Variants in UBE2L5 observed in about 807,000 individuals in gnomAD.
UBE2L5 encodes the protein ubiquitin-conjugating enzyme E2 L5.
A neutral mutation model predicts 10.0 loss-of-function variants in UBE2L5; 3 were observed. The observed-to-expected ratio is 0.30, with a 90% confidence interval of 0.14 to 0.78. The LOEUF (loss-of-function observed/expected upper bound fraction) is 0.78, where lower values mean the gene tolerates loss of function less well. UBE2L5 is among the 30% of genes least tolerant of loss of function. The pLI is 0.65. For missense variants in UBE2L5, 131 were observed against 193.3 expected (o/e 0.68, Z 1.91); for synonymous variants, 60 against 71.9 (o/e 0.83, Z 0.83).
In UBE2L5 at chr13:30,427,378, T is replaced by C. The variant is rs1480550805; in HGVS notation, c.-613T>C. Reference sequence around the variant, plus strand: ...CTGTTAAGAACATGAACTGGATTAATAGAAATTTCTCAGAAAAAAATATTC... The same window carrying C: ...CTGTTAAGAACATGAACTGGATTAACAGAAATTTCTCAGAAAAAAATATTC... On this transcript the variant is annotated 5_prime_UTR_variant, in exon 4 of 4. Transcript: ENST00000635918. The C allele has an allele frequency of 5.3e-5, 8 of 152,254 alleles. No individual in the cohort carries two copies. The highest frequency in any genetic ancestry group is 4.6e-4 in the Admixed American group (7 of 15,284). 9.4% of individuals were successfully genotyped at this position (152,254 alleles called of 1,614,324 possible).
chr13:30,423,766 C>T (rs1885500492), intron 1 of UBE2L5, among the ~76,000 whole-genome samples: 1 of 152,230 alleles, frequency 6.6e-6, no homozygotes, highest in Non-Finnish European at 1.5e-5. Flanking sequence ...ACATCTGATA[C>T]ACTTGCATAA....
chr13:30,423,901 C>T (rs1034424796), intron 1 of UBE2L5, among the ~76,000 whole-genome samples: 2 of 152,232 alleles, frequency 1.3e-5, no homozygotes, highest in African/African-American at 4.8e-5. Flanking sequence ...AACCATGTCC[C>T]AGTTACTTTA....
chr13:30,425,482 T>A (rs1162641395), intron 2 of UBE2L5, among the ~76,000 whole-genome samples: 2 of 152,186 alleles, frequency 1.3e-5, no homozygotes, highest in Non-Finnish European at 2.9e-5. Context: ...GGGCTCCAGT[T>A]CCTGCCTTTC....
In UBE2L5 at chr13:30,427,708, G is replaced by A. The variant is rs1345840456; in HGVS notation, c.-283G>A. The stretch of plus-strand genomic sequence containing the variant: ...AATCACAGCCACTTGGGAGGCCGAG[G>A]CGAGAGGATGGCTTGAACCCGGGAG... On this transcript the variant is annotated 5_prime_UTR_variant, in exon 4 of 4. Coordinates refer to ENST00000635918, the MANE Select transcript of UBE2L5 (RefSeq NM_001355247.2). 9.5e-6 allele frequency: 4 copies of A among 421,242 alleles called. No homozygotes were observed. Among genetic ancestry groups the A allele is most frequent in the Admixed American group, 8.2e-5 (2 of 24,432 alleles). 26.1% of individuals were successfully genotyped at this position (421,242 alleles called of 1,614,324 possible).
Position 30,427,677 on chromosome 13 carries a change from G to A in UBE2L5, c.-314G>A. ...AAGTTAGCTGTGCATGGTGGCACGTGCCTGTAATCACAGCCACTTGGGAGG... is the reference window on the plus strand; with the variant it reads ...AAGTTAGCTGTGCATGGTGGCACGTACCTGTAATCACAGCCACTTGGGAGG... On this transcript the variant is annotated 5_prime_UTR_variant, in exon 4 of 4. Coordinates refer to ENST00000635918, the MANE Select transcript of UBE2L5 (RefSeq NM_001355247.2). 1 of 368,224 alleles carries A rather than the reference G, an allele frequency of 2.7e-6. No homozygotes were observed. The highest frequency in any genetic ancestry group is 4.9e-6 in the Non-Finnish European group (1 of 206,122). 22.8% of individuals were successfully genotyped at this position (368,224 alleles called of 1,614,324 possible).
Position 30,427,701 on chromosome 13 carries a change from G to A in UBE2L5, c.-290G>A, listed in dbSNP as rs1223823948. ...TGCCTGTAATCACAGCCACTTGGGA[G>A]GCCGAGGCGAGAGGATGGCTTGAAC... On this transcript the variant is annotated 5_prime_UTR_variant, in exon 4 of 4. Transcript: ENST00000635918. 1 of 406,226 alleles carries A rather than the reference G, an allele frequency of 2.5e-6. No homozygotes were observed. Among genetic ancestry groups the A allele is most frequent in the Non-Finnish European group, 4.3e-6 (1 of 230,018 alleles). 25.2% of individuals were successfully genotyped at this position (406,226 alleles called of 1,614,324 possible). A position where few individuals can be genotyped will look rare whatever the true frequency, so the allele number is the denominator to read the frequency against.
At position 30,424,915 on chromosome 13, in the gene UBE2L5, T is replaced by G. The variant is rs1459036625; in HGVS notation, c.-685+14T>G. 1 of 152,266 alleles carries G rather than the reference T, an allele frequency of 6.6e-6. No individual in the cohort carries two copies. Among genetic ancestry groups the G allele is most frequent in the African/African-American group, 2.4e-5 (1 of 41,436 alleles). The allele number at this position is 152,266 out of a possible 1,614,324, so 9.4% of individuals were successfully genotyped here. A position where few individuals can be genotyped will look rare whatever the true frequency, so the allele number is the denominator to read the frequency against. On this transcript the variant is annotated intron_variant, in intron 2 of 3. Coordinates refer to ENST00000635918, the MANE Select transcript of UBE2L5 (RefSeq NM_001355247.2). ...CTAGGATTACAGGTGTGTACTACCA[T>G]GCCCACCTAATTTTTAATGTTTTAT...
intron 1 of UBE2L5, 31 bp downstream of exon 1, chr13:30,422,708 T>G (rs1885481564): frequency 6.6e-6 from 1 of 152,226 alleles, no homozygotes; most frequent in South Asian, 2.1e-4. Context: ...TTCACAAGGA[T>G]GCTTGTGAGT....
intron 1 of UBE2L5, among the ~76,000 whole-genome samples, 179 bp from the exon 2 acceptor site, chr13:30,424,628 TA>T (rs1457421419): frequency 1.3e-5 from 2 of 152,198 alleles, no homozygotes; most frequent in Non-Finnish European, 1.5e-5. Flanking sequence ...CACAGATAGT[TA>T]TAACCAAACT....
Position 30,422,659 on chromosome 13 carries a change from A to G in UBE2L5, c.-797A>G, listed in dbSNP as rs1028901251. ...CTTTTTGTTGTGTCTTGAAACTAGGATCTTTGCGGGTCATCCCTGTAAGTG... is the reference window on the plus strand; with the variant it reads ...CTTTTTGTTGTGTCTTGAAACTAGGGTCTTTGCGGGTCATCCCTGTAAGTG... On this transcript the variant is annotated 5_prime_UTR_variant, in exon 1 of 4. Coordinates refer to ENST00000635918, the MANE Select transcript of UBE2L5 (RefSeq NM_001355247.2). The G allele has an allele frequency of 6.6e-6, 1 of 152,148 alleles. No individual in the cohort carries two copies. Among genetic ancestry groups the G allele is most frequent in the Non-Finnish European group, 1.5e-5 (1 of 68,030 alleles). 9.4% of individuals were successfully genotyped at this position (152,148 alleles called of 1,614,324 possible). A position where few individuals can be genotyped will look rare whatever the true frequency, so the allele number is the denominator to read the frequency against.
At position 30,427,687 on chromosome 13, in the gene UBE2L5, A is replaced by G. The variant is rs1593239400; in HGVS notation, c.-304A>G. 2.6e-6 allele frequency: 1 copy of G among 387,588 alleles called. No homozygotes were observed. Among genetic ancestry groups the G allele is most frequent in the South Asian group, 4.1e-5 (1 of 24,286 alleles). 24.0% of individuals were successfully genotyped at this position (387,588 alleles called of 1,614,324 possible). On this transcript the variant is annotated 5_prime_UTR_variant, in exon 4 of 4. Transcript: ENST00000635918. ...TGCATGGTGGCACGTGCCTGTAATCACAGCCACTTGGGAGGCCGAGGCGAG... is the reference window on the plus strand; with the variant it reads ...TGCATGGTGGCACGTGCCTGTAATCGCAGCCACTTGGGAGGCCGAGGCGAG...
chr13:30,423,018 A>G (rs1294210085), intron 1 of UBE2L5, among the ~76,000 whole-genome samples: 1 of 152,260 alleles, frequency 6.6e-6, no homozygotes, highest in Non-Finnish European at 1.5e-5. Context: ...ATAAAGTAAC[A>G]TGATAAAATC....
intron 2 of UBE2L5, among the ~76,000 whole-genome samples, chr13:30,425,340 T>C (rs185233215): frequency 6.6e-5 from 10 of 152,332 alleles, no homozygotes; most frequent in African/African-American, 2.2e-4. Flanking sequence ...TGTCTACTTA[T>C]CACTTCATGG....
In UBE2L5 at chr13:30,427,592, G is replaced by A. The variant is rs1885555204; in HGVS notation, c.-399G>A. On this transcript the variant is annotated 5_prime_UTR_variant, in exon 4 of 4. Transcript: ENST00000635918. ...ACGCGGGCGGATCACTTGAGGTCAGGAGTTCGAGACTAGCCAGGCCAACAT... is the reference window on the plus strand; with the variant it reads ...ACGCGGGCGGATCACTTGAGGTCAGAAGTTCGAGACTAGCCAGGCCAACAT... 5 of 193,974 alleles carry A rather than the reference G, an allele frequency of 2.6e-5. No homozygotes were observed. In the South Asian group the frequency reaches 5.0e-4, roughly 20 times the overall value. 12.0% of individuals were successfully genotyped at this position (193,974 alleles called of 1,614,324 possible). A position where few individuals can be genotyped will look rare whatever the true frequency, so the allele number is the denominator to read the frequency against.
At chr13:30,423,310 T>C (rs1885492053) in intron 1 of UBE2L5, among the ~76,000 whole-genome samples, 1 of 152,212 alleles carries the variant, frequency 6.6e-6, no homozygotes, top group Admixed American at 6.5e-5. Flanking sequence ...TTACTCTATT[T>C]TCCTTTAAAA....
intron 1 of UBE2L5, among the ~76,000 whole-genome samples, chr13:30,424,336 G>A (rs1415786045): frequency 6.6e-6 from 1 of 152,200 alleles, no homozygotes; most frequent in East Asian, 1.9e-4. Context: ...AGATGACTTT[G>A]ACACTCTAGG....
intron 3 of UBE2L5, chr13:30,427,104 C>A (rs1161225528): frequency 1.3e-5 from 2 of 152,048 alleles, no homozygotes; most frequent in Non-Finnish European, 2.9e-5. Context: ...AAATTCAAGT[C>A]CAATTATATA....
intron 1 of UBE2L5, among the ~76,000 whole-genome samples, chr13:30,423,094 A>T (rs889004096): frequency 1.3e-5 from 2 of 152,074 alleles, no homozygotes; most frequent in African/African-American, 4.8e-5. Flanking sequence ...AATGTTGTTT[A>T]TCATGTCATG....
rs1885573695 is a variant in UBE2L5, at chr13:30,428,533, CTG to C, written c.*81_*82del. 7.3e-6 allele frequency: 11 copies of C among 1,513,218 alleles called. No individual in the cohort carries two copies. The highest frequency in any genetic ancestry group is 4.8e-4 in the Middle Eastern group (2 of 4,172). 93.7% of individuals were successfully genotyped at this position (1,513,218 alleles called of 1,614,324 possible). On this transcript the variant is annotated 3_prime_UTR_variant, in exon 4 of 4. Transcript: ENST00000635918. ...TTCAGACACCCCGCAAAGCAGGACT[CTG>C]TGGAAATTGATACGTGCCACCGTCT...
Sources: gnomAD v4.1 joint callset for allele counts (sites outside exome capture counted in the v4.1 genomes callset) on GRCh38, gnomAD v4.1.1 for gene constraint, MANE v1.5 for transcripts, NCBI Gene and HGNC (gene_info 2026-07-23, HGNC 2026-07-21) for gene names.